Variants in FMNL2 observed in about 807,000 individuals in gnomAD.
The protein encoded by FMNL2 is formin-like protein 2.
Under a neutral mutation model 130.2 loss-of-function variants are expected in FMNL2, and 51 were observed. That is an observed-to-expected ratio of 0.39 (90% CI 0.31 to 0.49). The LOEUF is 0.49. Among genes scored for constraint, FMNL2 ranks in the 20% least tolerant of loss-of-function variants. FMNL2 has a pLI of 0.85. For synonymous variants in FMNL2, 465 were observed against 467.1 expected (o/e 1.00, Z 0.06); for missense variants, 977 against 1,316.2 (o/e 0.74, Z 3.99).
chr2:152,335,556 C>T lies in FMNL2; in HGVS notation c.-48C>T, dbSNP rs763770325. On this transcript the variant is annotated 5_prime_UTR_variant, in exon 1 of 26. Transcript: ENST00000288670. ...CCGGGAGCTGTTCTGATTTCCGACG[C>T]GCACGCTAGGGGCCCGGAGCAGCCC... is the stretch of plus-strand genomic sequence containing the variant. 8.7e-6 allele frequency: 13 copies of T among 1,498,752 alleles called. 1 individual carries two copies. The South Asian group carries it at 1.1e-4, about 12-fold the overall frequency. 92.8% of individuals were successfully genotyped at this position (1,498,752 alleles called of 1,614,324 possible). A position where few individuals can be genotyped will look rare whatever the true frequency, so the allele number is the denominator to read the frequency against.
intron 1 of FMNL2, among the ~76,000 whole-genome samples, chr2:152,362,590 C>CT (rs1288830978): frequency 1.5e-4 from 22 of 147,116 alleles, no homozygotes; most frequent in South Asian, 6.5e-4. Context: ...CCCTTGCTTG[C>CT]TTTTTTTTTT....
chr2:152,572,738 T>G (rs1304315560), intron 6 of FMNL2, among the ~76,000 whole-genome samples: 2 of 151,848 alleles, frequency 1.3e-5, no homozygotes, highest in Non-Finnish European at 1.5e-5. Context: ...GTGAGACCCT[T>G]GTCTCCAAAA....
At position 152,626,580 on chromosome 2, in the gene FMNL2, C is replaced by T. The variant is rs989663922; in HGVS notation, c.2018C>T (p.Ala673Val). The change falls in exon 17 of 26, where the codon GCC becomes GTC. Residue 673 changes from alanine to valine, a missense_variant. By Grantham distance (64) the Ala-to-Val change is moderately conservative. Coordinates refer to ENST00000288670, the MANE Select transcript of FMNL2 (RefSeq NM_052905.4). Reference protein sequence around the residue: ...EIFKTKAQGPAIDLSSSKQKI... With the variant: ...EIFKTKAQGPVIDLSSSKQKI... ...TTCAAGACAAAAGCCCAAGGACCTGCCATTGATCTTTCTTCAAGCAAACAG... is the reference window on the plus strand; with the variant it reads ...TTCAAGACAAAAGCCCAAGGACCTGTCATTGATCTTTCTTCAAGCAAACAG... 6.2e-7 allele frequency: 1 copy of T among 1,612,192 alleles called. No homozygotes were observed. The highest frequency in any genetic ancestry group is 1.3e-5 in the African/African-American group (1 of 74,848).
chr2:152,619,863 A>G, intron 15 of FMNL2, 145 bp downstream of exon 15: 1 of 1,439,432 alleles, frequency 6.9e-7, no homozygotes, highest in Non-Finnish European at 9.2e-7. Flanking sequence ...GATGTAGCCG[A>G]TAGAGGGAAC....
At chr2:152,342,795 C>A (rs1681886312) in intron 1 of FMNL2, among the ~76,000 whole-genome samples, 1 of 152,328 alleles carries the variant, frequency 6.6e-6, no homozygotes, top group South Asian at 2.1e-4. Flanking sequence ...GAACTGTGAT[C>A]TCAACCAAGG....
chr2:152,369,212 G>T (rs993925554), intron 1 of FMNL2, among the ~76,000 whole-genome samples: 1 of 152,178 alleles, frequency 6.6e-6, no homozygotes, highest in Non-Finnish European at 1.5e-5. Context: ...TTCAGCATTC[G>T]CTGTATCATC....
At chr2:152,614,250 C>T (rs1264486269) in intron 11 of FMNL2, among the ~76,000 whole-genome samples, 2 of 152,162 alleles carry the variant, frequency 1.3e-5, no homozygotes, top group Admixed American at 1.3e-4. Context: ...GTCCCAATTT[C>T]ATGTATATCA....
At chr2:152,385,819 G>C (rs1474045789) in intron 1 of FMNL2, among the ~76,000 whole-genome samples, 3 of 152,080 alleles carry the variant, frequency 2.0e-5, no homozygotes, top group African/African-American at 7.2e-5. Flanking sequence ...TGCTCTGAAG[G>C]CTTAAATTGT....
rs1013365311 is a variant in FMNL2 at position 152,487,500 on chromosome 2, G to A, written c.118-34443G>A. On this transcript the variant is annotated intron_variant, in intron 1 of 25. Transcript: ENST00000288670. ...TTTTACATTATCTATCAATGATATC[G>A]GCGAAAACTAAAATTATTAGGAAGT... is the stretch of plus-strand genomic sequence containing the variant. 1.1e-4 allele frequency among the ~76,000 whole-genome samples: 17 copies of A among 152,120 alleles called. No homozygotes were observed. The South Asian group carries it at 2.9e-3, about 26-fold the overall frequency.
intron 1 of FMNL2, among the ~76,000 whole-genome samples, chr2:152,338,834 C>CACACACACACACACACATACACACAT (rs70974851): frequency 6.7e-6 from 1 of 150,200 alleles, no homozygotes; most frequent in Non-Finnish European, 1.5e-5. Flanking sequence ...CACACACACA[C>CACACACACACACACACATACACACAT]ACACACACAC....
At chr2:152,511,037 T>G (rs1276377790) in intron 1 of FMNL2, among the ~76,000 whole-genome samples, 4 of 152,200 alleles carry the variant, frequency 2.6e-5, no homozygotes, top group African/African-American at 9.7e-5. Flanking sequence ...GGTATCTGAG[T>G]CTCTGTTTTT....
intron 1 of FMNL2, among the ~76,000 whole-genome samples, chr2:152,500,111 C>T (rs1691731036): frequency 6.6e-6 from 1 of 152,050 alleles, no homozygotes; most frequent in South Asian, 2.1e-4. Flanking sequence ...GTGCTGACTT[C>T]AGAGCAGAAC....
chr2:152,607,006 G>GTTTTTTTTTT (rs58237890), intron 9 of FMNL2, among the ~76,000 whole-genome samples: 4 of 84,848 alleles, frequency 4.7e-5, no homozygotes, highest in East Asian at 3.9e-4. Flanking sequence ...TTTTTTTTTT[G>GTTTTTTTTTT]TTTTTTTTTT....
chr2:152,441,945 G>A (rs1310881496), intron 1 of FMNL2, among the ~76,000 whole-genome samples: 1 of 152,100 alleles, frequency 6.6e-6, no homozygotes, highest in Non-Finnish European at 1.5e-5. Context: ...CAGATATTGA[G>A]AGTGGGAGTT....
At chr2:152,420,508 T>C (rs2106040039) in intron 1 of FMNL2, among the ~76,000 whole-genome samples, 1 of 152,320 alleles carries the variant, frequency 6.6e-6, no homozygotes, top group Non-Finnish European at 1.5e-5. Context: ...AATAAGGTCT[T>C]TCTCCGAGAA....
chr2:152,359,769 A>G (rs1190923270), intron 1 of FMNL2, among the ~76,000 whole-genome samples: 2 of 152,150 alleles, frequency 1.3e-5, no homozygotes, highest in Non-Finnish European at 2.9e-5. Flanking sequence ...TATTTGCTCA[A>G]ATGGGGGTTT....
intron 4 of FMNL2, among the ~76,000 whole-genome samples, chr2:152,553,927 T>C (rs1695071928): frequency 6.6e-6 from 1 of 152,222 alleles, no homozygotes; most frequent in Admixed American, 6.5e-5. Flanking sequence ...TCTGTTTTGA[T>C]TGATGTATAT....
intron 1 of FMNL2, among the ~76,000 whole-genome samples, chr2:152,367,080 T>TG (rs1447903682): frequency 2.6e-5 from 4 of 151,474 alleles, no homozygotes; most frequent in African/African-American, 7.3e-5. Context: ...TGTGTTTGTT[T>TG]TTTTTTTTTT....
intron 2 of FMNL2, among the ~76,000 whole-genome samples, chr2:152,539,897 C>T (rs1694207517): frequency 6.6e-6 from 1 of 152,090 alleles, no homozygotes; most frequent in East Asian, 1.9e-4. Flanking sequence ...CCCAGGAGTT[C>T]AATACCAGCC....
Sources: allele counts gnomAD v4.1 joint callset (sites outside exome capture counted in the v4.1 genomes callset), GRCh38; gene constraint gnomAD v4.1.1; transcripts MANE v1.5; gene names NCBI Gene and HGNC (gene_info 2026-07-23, HGNC 2026-07-21).